MED12L: variants seen among roughly 807,000 people sequenced by gnomAD.
The protein encoded by MED12L is mediator of RNA polymerase II transcription subunit 12-like protein.
In MED12L, 60 loss-of-function variants were observed where a neutral mutation model predicts 281.3. The observed-to-expected ratio is 0.21, with a 90% confidence interval of 0.17 to 0.26. The LOEUF (loss-of-function observed/expected upper bound fraction) is 0.26. MED12L is among the 10% of genes least tolerant of loss of function. MED12L has a pLI of 1.00. For synonymous variants in MED12L, 974 were observed against 987.2 expected (o/e 0.99, Z 0.25); for missense variants, 2,146 against 2,680.9 (o/e 0.80, Z 4.41).
intron 16 of MED12L, among the ~76,000 whole-genome samples, chr3:151,267,673 T>C (rs6793672): frequency 6.6e-6 from 1 of 152,102 alleles, no homozygotes; most frequent in African/African-American, 2.4e-5. Context: ...TCTTGTAACA[T>C]GTATTACTTA....
intron 16 of MED12L, among the ~76,000 whole-genome samples, chr3:151,272,140 A>G (rs982049242): frequency 1.3e-5 from 2 of 152,206 alleles, no homozygotes; most frequent in Non-Finnish European, 2.9e-5. Context: ...GACAGTGTGT[A>G]CCACATGAGC....
chr3:151,198,358 TC>T, intron 16 of MED12L: 1 of 1,059,464 alleles, frequency 9.4e-7, no homozygotes, highest in South Asian at 2.5e-5. Context: ...TTTTTTTTTA[TC>T]TTTCAAAGCT....
chr3:151,157,603 A>C (rs1413462232), intron 6 of MED12L, among the ~76,000 whole-genome samples: 1 of 152,224 alleles, frequency 6.6e-6, no homozygotes, highest in African/African-American at 2.4e-5. Flanking sequence ...TATTGGTCTT[A>C]AAATTTTAAA....
rs73021154 is a variant in MED12L, at chr3:151,217,376, C to T, written c.2250+23710C>T. Among the ~76,000 whole-genome samples, 1,312 of 152,288 alleles carry T rather than the reference C, an allele frequency of 8.6e-3. 27 individuals are homozygous for T. The highest frequency in any genetic ancestry group is 0.03 in the African/African-American group (1,242 of 41,562). On this transcript the variant is annotated intron_variant, in intron 16 of 44. Coordinates refer to ENST00000687756, the MANE Select transcript of MED12L (RefSeq NM_001393769.1). ...TCCAGAACTCTGCTCTCAGATTCCT[C>T]AGGTTGCTGGGAATCTGCATGTGTA...
chr3:151,319,468 CGTGTGTGTGT>C (rs34335179), intron 16 of MED12L, among the ~76,000 whole-genome samples: 2,349 of 145,564 alleles, frequency 0.016, 25 homozygotes, highest in Middle Eastern at 0.034. Flanking sequence ...TGTGTGTGTG[CGTGTGTGTGT>C]GTGTGTGTGT....
intron 13 of MED12L, among the ~76,000 whole-genome samples, chr3:151,189,428 T>C (rs773435206): frequency 1.6e-4 from 24 of 152,282 alleles, no homozygotes; most frequent in Non-Finnish European, 2.9e-4. Context: ...GCAGAAAATA[T>C]ATTGTCAGGC....
chr3:151,333,168 CTGTGTCTTTGCTTT>C (rs1256911076), intron 16 of MED12L, among the ~76,000 whole-genome samples: 1 of 152,174 alleles, frequency 6.6e-6, no homozygotes, highest in African/African-American at 2.4e-5. Flanking sequence ...TAGGTTGCTT[CTGTGTCTTTGCTTT>C]TGTGAATAGT....
At chr3:151,158,446 A>AT (rs201281783) in intron 6 of MED12L, among the ~76,000 whole-genome samples, 4,567 of 149,122 alleles carry the variant, frequency 0.031, 252 homozygotes, top group African/African-American at 0.1. Context: ...AGCTTCTGAA[A>AT]TTTTTTTTTT....
chr3:151,266,900 A>G (rs1739938865), intron 16 of MED12L, among the ~76,000 whole-genome samples: 1 of 152,230 alleles, frequency 6.6e-6, no homozygotes, highest in South Asian at 2.1e-4. Flanking sequence ...TGTAACTTTT[A>G]TAAACCCCCA....
In MED12L at chr3:151,085,809, G is replaced by C. The variant is rs571788072; in HGVS notation, c.-257G>C. Reference sequence around the variant, plus strand: ...TTCGCGGCGTTCCCGGAGCTCGTCCGGGCGAGGCAGATACCGCACAAATAA... The same window carrying C: ...TTCGCGGCGTTCCCGGAGCTCGTCCCGGCGAGGCAGATACCGCACAAATAA... On this transcript the variant is annotated 5_prime_UTR_variant, in exon 1 of 45. Transcript: ENST00000687756. 2 of 152,186 alleles carry C rather than the reference G, an allele frequency of 1.3e-5. No homozygotes were observed. Among genetic ancestry groups the C allele is most frequent in the South Asian group, 2.1e-4 (1 of 4,830 alleles). The allele number at this position is 152,186 out of a possible 1,614,324, so 9.4% of individuals were successfully genotyped here.
At chr3:151,111,879 G>A (rs1175323224) in intron 2 of MED12L, among the ~76,000 whole-genome samples, 1 of 152,120 alleles carries the variant, frequency 6.6e-6, no homozygotes, top group Non-Finnish European at 1.5e-5. Flanking sequence ...CCATTGAGTG[G>A]GTGGGGCTGT....
intron 16 of MED12L, among the ~76,000 whole-genome samples, chr3:151,301,526 A>T (rs1011592945): frequency 6.6e-6 from 1 of 152,228 alleles, no homozygotes; most frequent in African/African-American, 2.4e-5. Flanking sequence ...TATATTTCTC[A>T]TAAAGGATTT....
intron 2 of MED12L, among the ~76,000 whole-genome samples, chr3:151,114,411 C>T (rs1712409352): frequency 6.6e-6 from 1 of 152,146 alleles, no homozygotes; most frequent in African/African-American, 2.4e-5. Flanking sequence ...CTCCAGGAGA[C>T]CTCTTTCTCA....
At chr3:151,269,936 T>C in intron 16 of MED12L, 1 of 423,176 alleles carries the variant, frequency 2.4e-6, no homozygotes, top group Non-Finnish European at 4.6e-6. Flanking sequence ...GTTGGGAGAG[T>C]TCATCAAAGA....
intron 5 of MED12L, among the ~76,000 whole-genome samples, chr3:151,151,001 T>A (rs1025436477): frequency 6.7e-6 from 1 of 149,374 alleles, no homozygotes; most frequent in South Asian, 2.1e-4. Flanking sequence ...TTGTTTTGCT[T>A]TCTTATCATT....
intron 16 of MED12L, among the ~76,000 whole-genome samples, chr3:151,215,007 A>G (rs185847528): frequency 4.6e-5 from 7 of 152,278 alleles, no homozygotes; most frequent in Admixed American, 4.6e-4. Flanking sequence ...AGAAAAGTGT[A>G]TTCTACATAT....
At chr3:151,376,585 C>T (rs569862580) in intron 28 of MED12L, among the ~76,000 whole-genome samples, 2 of 152,182 alleles carry the variant, frequency 1.3e-5, no homozygotes, top group South Asian at 4.1e-4. Flanking sequence ...GAGTCAGGCA[C>T]AGTATTAACT....
chr3:151,130,146 T>C (rs1715161994), intron 5 of MED12L, among the ~76,000 whole-genome samples: 1 of 152,194 alleles, frequency 6.6e-6, no homozygotes, highest in Non-Finnish European at 1.5e-5. Context: ...TTTGATGACA[T>C]CTGAAGTGTC....
At chr3:151,156,512 CTTA>C in intron 6 of MED12L, among the ~76,000 whole-genome samples, 182 bp downstream of exon 6, 1 of 152,340 alleles carries the variant, frequency 6.6e-6, no homozygotes, top group African/African-American at 2.4e-5. Flanking sequence ...GGGATGACAG[CTTA>C]TTATACATAT....
Sources: gnomAD v4.1 joint callset for allele counts (sites outside exome capture counted in the v4.1 genomes callset) on GRCh38, gnomAD v4.1.1 for gene constraint, MANE v1.5 for transcripts, NCBI Gene and HGNC (gene_info 2026-07-23, HGNC 2026-07-21) for gene names.